The following CACNA1A variants were observed in gnomAD, a reference collection of about 807,000 sequenced individuals.
CACNA1A encodes the protein calcium voltage-gated channel subunit alpha1 A.
A neutral mutation model predicts 262.4 loss-of-function variants in CACNA1A; 57 were observed. The observed-to-expected ratio is 0.22, with a 90% CI of 0.18 to 0.27. The LOEUF (loss-of-function observed/expected upper bound fraction) is 0.27, where lower values mean the gene tolerates loss of function less well. Ranked by LOEUF, CACNA1A falls within the 10% of genes least tolerant of loss-of-function variation. The pLI is 1.00. For synonymous variants in CACNA1A, 1,431 were observed against 1,419.3 expected (o/e 1.01, Z -0.18); for missense variants, 2,526 against 3,562.8 (o/e 0.71, Z 7.41).
intron 24 of CACNA1A, chr19:13,275,506 A>C (rs2057123679): frequency 6.3e-6 from 2 of 315,796 alleles, no homozygotes; most frequent in South Asian, 3.8e-5. Context: ...CCAAAGAGAC[A>C]GCGGTTTGGG....
At chr19:13,322,031 G>T (rs1485930998) in intron 10 of CACNA1A, among the ~76,000 whole-genome samples, 1 of 151,784 alleles carries the variant, frequency 6.6e-6, no homozygotes, top group East Asian at 1.9e-4. Flanking sequence ...GTGAAACCCC[G>T]TATCTACTAA....
intron 6 of CACNA1A, 86 bp downstream of exon 6, chr19:13,359,520 A>G (rs2059065049): frequency 1.9e-6 from 2 of 1,076,932 alleles, no homozygotes; most frequent in Non-Finnish European, 1.4e-6. Context: ...GGGTCCCTCC[A>G]TTGCAGCCTT....
chr19:13,398,028 G>A (rs144543593), intron 3 of CACNA1A, among the ~76,000 whole-genome samples: 3 of 152,108 alleles, frequency 2.0e-5, no homozygotes, highest in African/African-American at 4.8e-5. Flanking sequence ...TTGGGAGGCC[G>A]AGGCAGGTGG....
At chr19:13,406,509 A>ATATATATATATATG (rs1487889235) in intron 3 of CACNA1A, among the ~76,000 whole-genome samples, 40 of 109,654 alleles carry the variant, frequency 3.6e-4, no homozygotes, top group East Asian at 4.3e-4. Flanking sequence ...ATATATATAT[A>ATATATATATATATG]TATGAAGGGA....
chr19:13,298,638 C>G lies in CACNA1A; in HGVS notation c.2995G>C (p.Gly999Arg). The change falls in exon 19 of 47, where the codon GGC (glycine) becomes CGC (arginine). Residue 999 changes from glycine to arginine, a missense_variant. This residue lies in a region of CACNA1A where 765 missense variants were observed against 748.6 expected (regional missense o/e 1.02). Coordinates refer to ENST00000360228, the MANE Select transcript of CACNA1A (RefSeq NM_001127222.2). ...TGCCGGTGCCTTCTCCTGCGCTCGC[C>G]CCCGTCGGGGCCCTCGCCCTCGCCC... ...GEGEGEGPDGGERRRRHRHGA... is the reference protein window; with the variant it reads ...GEGEGEGPDGRERRRRHRHGA... The G allele has an allele frequency of 6.6e-7, 1 of 1,524,294 alleles. No homozygotes were observed. Among genetic ancestry groups the G allele is most frequent in the Non-Finnish European group, 8.8e-7 (1 of 1,135,380 alleles). 94.4% of individuals were successfully genotyped at this position (1,524,294 alleles called of 1,614,324 possible). A position where few individuals can be genotyped will look rare whatever the true frequency, so the allele number is the denominator to read the frequency against.
At chr19:13,337,518 CA>C (rs1207800292) in intron 6 of CACNA1A, among the ~76,000 whole-genome samples, 2 of 152,070 alleles carry the variant, frequency 1.3e-5, no homozygotes, top group Admixed American at 6.6e-5. Flanking sequence ...ATGGTTGGTG[CA>C]AAAATAACGG....
chr19:13,255,907 CA>C (rs2056552680), intron 28 of CACNA1A, among the ~76,000 whole-genome samples: 1 of 143,374 alleles, frequency 7.0e-6, no homozygotes, highest in Non-Finnish European at 1.5e-5. Flanking sequence ...CTTTCTTCTT[CA>C]TTCCTTCTTC....
chr19:13,320,247 A>T (rs1024786972), intron 10 of CACNA1A, among the ~76,000 whole-genome samples: 4 of 149,888 alleles, frequency 2.7e-5, no homozygotes, highest in South Asian at 2.1e-4. Context: ...CGAGAGAGAG[A>T]GAGAGAGAGA....
In CACNA1A at chr19:13,257,796, G is replaced by A. The variant is rs553076310; in HGVS notation, c.4389-245C>T. The A allele has an allele frequency of 6.8e-5, 21 of 309,620 alleles. No homozygotes were observed. In the South Asian group the frequency reaches 1.2e-3, roughly 17 times the overall value. The allele number at this position is 309,620 out of a possible 1,614,324, so 19.2% of individuals were successfully genotyped here. ...CTCGTTGCCCAGGCTGGAGTGCAACGGCGTGATCTTGGGTCACTACAACCT... is the reference window on the plus strand; with the variant it reads ...CTCGTTGCCCAGGCTGGAGTGCAACAGCGTGATCTTGGGTCACTACAACCT... On this transcript the variant is annotated intron_variant, in intron 27 of 46. Transcript: ENST00000360228.
chr19:13,453,824 A>T (rs1208792532), intron 2 of CACNA1A, among the ~76,000 whole-genome samples: 3 of 151,852 alleles, frequency 2.0e-5, no homozygotes, highest in Non-Finnish European at 4.4e-5. Context: ...TTTTTTCCAC[A>T]TTAGCTTGCC....
intron 1 of CACNA1A, among the ~76,000 whole-genome samples, chr19:13,470,006 T>C (rs913976219): frequency 6.6e-5 from 10 of 152,060 alleles, no homozygotes; most frequent in Non-Finnish European, 1.5e-4. Flanking sequence ...CATTCCTGAA[T>C]GAGATCAACT....
chr19:13,465,179 C>T (rs1226218153), intron 1 of CACNA1A, among the ~76,000 whole-genome samples: 3 of 152,110 alleles, frequency 2.0e-5, no homozygotes, highest in Admixed American at 1.3e-4. Flanking sequence ...GATCTGCCCA[C>T]CTCAGCCTCC....
At chr19:13,374,297 G>C (rs2059369752) in intron 3 of CACNA1A, among the ~76,000 whole-genome samples, 1 of 152,110 alleles carries the variant, frequency 6.6e-6, no homozygotes, top group South Asian at 2.1e-4. Context: ...ACCCAGGCTT[G>C]AGTATAGTGG....
At chr19:13,208,275 G>A (rs1317036269) in intron 46 of CACNA1A, among the ~76,000 whole-genome samples, 1 of 148,358 alleles carries the variant, frequency 6.7e-6, no homozygotes, top group African/African-American at 2.5e-5. Context: ...GGGGGAGTGA[G>A]ACAGGGAGGG....
At position 13,279,478 on chromosome 19, in the gene CACNA1A, G is replaced by A. The variant is rs553451510; in HGVS notation, c.3823-2350C>T. On this transcript the variant is annotated intron_variant, in intron 22 of 46. Transcript: ENST00000360228. The stretch of plus-strand genomic sequence containing the variant: ...GAGCTACTGGTGCAAGGGCCACTGC[G>A]TTCATTTATTTTTTAATTTTTTTTT... Among the ~76,000 whole-genome samples, 14 of 151,968 alleles carry A rather than the reference G, an allele frequency of 9.2e-5. No homozygotes were observed. The South Asian group carries it at 2.5e-3, about 27-fold the overall frequency.
chr19:13,211,919 G>A, intron 43 of CACNA1A, 184 bp downstream of exon 43: 1 of 579,920 alleles, frequency 1.7e-6, no homozygotes, highest in Middle Eastern at 4.7e-4. Flanking sequence ...AGGAGGGTCT[G>A]CAGGTGCTCC....
At chr19:13,442,110 C>T (rs888823227) in intron 3 of CACNA1A, among the ~76,000 whole-genome samples, 1 of 152,114 alleles carries the variant, frequency 6.6e-6, no homozygotes, top group Admixed American at 6.6e-5. Flanking sequence ...TTCCAACTTC[C>T]GCTCCTTGAG....
At chr19:13,320,399 C>T (rs2058229741) in intron 10 of CACNA1A, among the ~76,000 whole-genome samples, 1 of 152,210 alleles carries the variant, frequency 6.6e-6, no homozygotes, top group South Asian at 2.1e-4. Flanking sequence ...GACAACCACA[C>T]TTCCTACCTC....
rs1222215404 is a variant in CACNA1A at position 13,299,062 on chromosome 19, G to A, written c.2571C>T (p.Phe857=). 6.2e-7 allele frequency: 1 copy of A among 1,606,424 alleles called. No individual in the cohort carries two copies. Among genetic ancestry groups the A allele is most frequent in the Non-Finnish European group, 8.5e-7 (1 of 1,178,936 alleles). The change falls in exon 19 of 47, where the codon TTC becomes TTT. Residue 857 remains phenylalanine, a synonymous_variant. Transcript: ENST00000360228. ...QRLGQQRAED[F]LRKQARYHDR... The stretch of plus-strand genomic sequence containing the variant: ...CGTGGTAGCGGGCCTGTTTCCTGAG[G>A]AAGTCCTCGGCGCGCTGCTGGCCGA...
Sources: allele counts gnomAD v4.1 joint callset (sites outside exome capture counted in the v4.1 genomes callset), GRCh38; gene constraint gnomAD v4.1.1; regional missense constraint gnomAD v4.1.1; transcripts MANE v1.5; gene names NCBI Gene and HGNC (gene_info 2026-07-23, HGNC 2026-07-21).